ZNF718: variants seen among roughly 807,000 people sequenced by gnomAD.
ZNF718 encodes the protein zinc finger protein 718.
Under a neutral mutation model 2.6 loss-of-function variants are expected in ZNF718, and 3 were observed. The ratio of observed to expected loss-of-function variants is 1.16; its 90% CI spans 0.53 to 3.01. The LOEUF is 3.01. Ranked by LOEUF, ZNF718 falls within the 30% of genes most tolerant of loss-of-function variation. The pLI is 0.03. For missense variants in ZNF718, 468 were observed against 230.0 expected, an observed-to-expected ratio of 2.03 and a Z score of -6.69; for synonymous variants, 135 against 77.9, an observed-to-expected ratio of 1.73 and a Z score of -3.86.
intron 3 of ZNF718, among the ~76,000 whole-genome samples, chr4:195,585 C>CTT (rs201982470): frequency 3.2e-4 from 47 of 146,696 alleles, no homozygotes; most frequent in Admixed American, 6.1e-4. Flanking sequence ...TACGTTTTTG[C>CTT]TTTTTTTTTT....
At chr4:188,096 A>G (rs1459482367) in intron 3 of ZNF718, among the ~76,000 whole-genome samples, 1 of 152,192 alleles carries the variant, frequency 6.6e-6, no homozygotes, top group Admixed American at 6.5e-5. Context: ...CATAAGCTGG[A>G]ATGGCTGAGT....
At chr4:185,148 G>A (rs1560131450) in intron 3 of ZNF718, among the ~76,000 whole-genome samples, 1 of 152,030 alleles carries the variant, frequency 6.6e-6, no homozygotes, top group Non-Finnish European at 1.5e-5. Flanking sequence ...AGTGCTGTAA[G>A]TTTTTCTCTT....
At chr4:142,625 T>C (rs1308835205) in intron 3 of ZNF718, among the ~76,000 whole-genome samples, 1 of 152,214 alleles carries the variant, frequency 6.6e-6, no homozygotes, top group Non-Finnish European at 1.5e-5. Flanking sequence ...CATGATAGGC[T>C]CTATAGCAAA....
chr4:137,620 G>A (rs1315277510), intron 3 of ZNF718, among the ~76,000 whole-genome samples: 1 of 151,938 alleles, frequency 6.6e-6, no homozygotes, highest in East Asian at 1.9e-4. Context: ...TTCAATAATT[G>A]TTTGCTGTGT....
intron 3 of ZNF718, among the ~76,000 whole-genome samples, chr4:194,675 C>T (rs1717757350): frequency 6.6e-6 from 1 of 152,128 alleles, no homozygotes; most frequent in African/African-American, 2.4e-5. Flanking sequence ...ATCAATATAG[C>T]CGTCAGGGTT....
At chr4:136,631 C>T (rs1489840135) in intron 3 of ZNF718, among the ~76,000 whole-genome samples, 2 of 152,200 alleles carry the variant, frequency 1.3e-5, no homozygotes, top group Non-Finnish European at 2.9e-5. Context: ...AAGGCAAGCA[C>T]CTTTCTACTT....
At chr4:193,811 A>C (rs1324343227) in intron 3 of ZNF718, among the ~76,000 whole-genome samples, 1 of 152,150 alleles carries the variant, frequency 6.6e-6, no homozygotes, top group Non-Finnish European at 1.5e-5. Flanking sequence ...CTGCTGCTGG[A>C]TCATCTGGTT....
Position 162,288 on chromosome 4 carries a change from G to A in ZNF718, c.*166G>A. The A allele has an allele frequency of 4.1e-6, 2 of 487,944 alleles. No homozygotes were observed. The highest frequency in any genetic ancestry group is 7.3e-6 in the Non-Finnish European group (2 of 274,398). The allele number at this position is 487,944 out of a possible 1,614,324, so 30.2% of individuals were successfully genotyped here. A position where few individuals can be genotyped will look rare whatever the true frequency, so the allele number is the denominator to read the frequency against. ...TATTGGTGAGAAGCCATAAAAATAT[G>A]AAAAATGTGGAAAAGCCTTCAAATG... On this transcript the variant is annotated 3_prime_UTR_variant, in exon 4 of 4. Transcript: ENST00000510175.
At chr4:187,699 C>T (rs1287623804) in intron 3 of ZNF718, among the ~76,000 whole-genome samples, 3 of 152,146 alleles carry the variant, frequency 2.0e-5, no homozygotes, top group Admixed American at 6.5e-5. Context: ...GTTTGGAGGT[C>T]TCACCCAATC....
chr4:158,576 A>G (rs1296271166), intron 3 of ZNF718, among the ~76,000 whole-genome samples: 1 of 151,878 alleles, frequency 6.6e-6, no homozygotes, highest in Non-Finnish European at 1.5e-5. Flanking sequence ...TTAAAATAAT[A>G]TATTTTAAAC....
intron 3 of ZNF718, chr4:200,973 A>T (rs1717887492): frequency 6.6e-6 from 1 of 152,434 alleles, no homozygotes; most frequent in Admixed American, 6.5e-5. Flanking sequence ...AGAAATATAA[A>T]TTTGACACGC....
rs782745019 is a variant in ZNF718, at chr4:171,649, T to G, written c.227-29432T>G. Among the ~76,000 whole-genome samples, 3 of 152,182 alleles carry G rather than the reference T, an allele frequency of 2.0e-5. No individual in the cohort carries two copies. The South Asian group carries it at 6.2e-4, about 31-fold the overall frequency. On this transcript the variant is annotated intron_variant and NMD_transcript_variant, in intron 3 of 4. Coordinates refer to the ZNF718 transcript ENST00000642529. ...GGTGTAGGACCCTCTGAGCCAGGCA[T>G]GGGATATAATCTCCTGGTGTGCGAT...
At chr4:138,787 C>T (rs370370889) in intron 3 of ZNF718, among the ~76,000 whole-genome samples, 27 of 152,208 alleles carry the variant, frequency 1.8e-4, no homozygotes, top group African/African-American at 6.0e-4. Flanking sequence ...TCCACATCCT[C>T]ACCAGCATTT....
chr4:147,316 A>G (rs1394858996), intron 3 of ZNF718, among the ~76,000 whole-genome samples: 5 of 152,226 alleles, frequency 3.3e-5, no homozygotes, highest in Non-Finnish European at 5.9e-5. Flanking sequence ...TTCATGATCC[A>G]TTAAGGATGT....
At chr4:175,146 T>G (rs941044524) in intron 3 of ZNF718, among the ~76,000 whole-genome samples, 3 of 152,198 alleles carry the variant, frequency 2.0e-5, no homozygotes, top group Non-Finnish European at 4.4e-5. Context: ...AATCCCTGAC[T>G]CAATTTCAAG....
intron 3 of ZNF718, among the ~76,000 whole-genome samples, chr4:199,591 G>C (rs1464092714): frequency 6.6e-6 from 1 of 152,238 alleles, no homozygotes; most frequent in African/African-American, 2.4e-5. Flanking sequence ...CTGGGGACAG[G>C]CTGATGAGAG....
chr4:176,507 CAT>C (rs1560129185), intron 3 of ZNF718, among the ~76,000 whole-genome samples: 1 of 152,180 alleles, frequency 6.6e-6, no homozygotes, highest in Admixed American at 6.5e-5. Flanking sequence ...TAATGCAACA[CAT>C]CCAGCACCAC....
Position 162,273 on chromosome 4 carries a change from A to G in ZNF718, c.*151A>G, listed in dbSNP as rs1488824886. The G allele has an allele frequency of 8.0e-6, 4 of 497,766 alleles. No individual in the cohort carries two copies. Among genetic ancestry groups the G allele is most frequent in the Non-Finnish European group, 1.1e-5 (3 of 278,576 alleles). 30.8% of individuals were successfully genotyped at this position (497,766 alleles called of 1,614,324 possible). A position where few individuals can be genotyped will look rare whatever the true frequency, so the allele number is the denominator to read the frequency against. ...ACATAAGAGAAATGGTATTGGTGAGAAGCCATAAAAATATGAAAAATGTGG... is the reference window on the plus strand; with the variant it reads ...ACATAAGAGAAATGGTATTGGTGAGGAGCCATAAAAATATGAAAAATGTGG... On this transcript the variant is annotated 3_prime_UTR_variant, in exon 4 of 4. Coordinates refer to ENST00000510175, the MANE Select transcript of ZNF718 (RefSeq NM_001039127.6).
At chr4:141,700 A>G (rs907074412) in intron 3 of ZNF718, among the ~76,000 whole-genome samples, 6 of 152,240 alleles carry the variant, frequency 3.9e-5, no homozygotes, top group Admixed American at 3.9e-4. Context: ...CTAAAATAGT[A>G]TATGCTGTCA....
Sources: allele counts gnomAD v4.1 joint callset (sites outside exome capture counted in the v4.1 genomes callset), GRCh38; gene constraint gnomAD v4.1.1; transcripts MANE v1.5; gene names NCBI Gene and HGNC (gene_info 2026-07-23, HGNC 2026-07-21).